The following SLC5A1 variants were observed in gnomAD, a reference collection of about 807,000 sequenced individuals.
SLC5A1 encodes solute carrier family 5 member 1, also known as sodium/glucose cotransporter 1.
Under a neutral mutation model 73.5 loss-of-function variants are expected in SLC5A1, and 42 were observed. That is an observed-to-expected ratio of 0.57 (90% CI 0.45 to 0.74). The LOEUF is 0.74. Among genes scored for constraint, SLC5A1 ranks in the 30% least tolerant of loss-of-function variants. The pLI, the probability that SLC5A1 is intolerant of heterozygous loss-of-function variation, is 0.00. For synonymous variants in SLC5A1, 300 were observed against 317.4 expected (o/e 0.95, Z 0.58); for missense variants, 634 against 855.4 (o/e 0.74, Z 3.23).
intron 11 of SLC5A1, among the ~76,000 whole-genome samples, chr22:32,093,116 A>G (rs532614979): frequency 6.6e-6 from 1 of 152,100 alleles, no homozygotes; most frequent in East Asian, 1.9e-4. Flanking sequence ...GGCTCTAAGT[A>G]TTTGGGTTTA....
Position 32,110,303 on chromosome 22 carries a change from G to C in SLC5A1, c.*90G>C. 9.2e-7 allele frequency: 1 copy of C among 1,083,458 alleles called. No individual in the cohort carries two copies. The highest frequency in any genetic ancestry group is 1.4e-6 in the Non-Finnish European group (1 of 708,384). The allele number at this position is 1,083,458 out of a possible 1,614,324, so 67.1% of individuals were successfully genotyped here. ...TGTGGTGTTGAAGGGAAATCAGCCA[G>C]TTGTAAATTTTGCCCAGGTGGATAA... On this transcript the variant is annotated 3_prime_UTR_variant, in exon 15 of 15. Transcript: ENST00000266088.
intron 1 of SLC5A1, among the ~76,000 whole-genome samples, chr22:32,049,091 A>AATATATATATATATATATATAATCATTAT (rs2093940952): frequency 7.7e-6 from 1 of 129,042 alleles, no homozygotes; most frequent in Admixed American, 7.6e-5. Flanking sequence ...TAAATAAATA[A>AATATATATATATATATATATAATCATTAT]ATATATATAT....
chr22:32,099,759 C>T (rs1457324583), intron 12 of SLC5A1, among the ~76,000 whole-genome samples: 1 of 152,118 alleles, frequency 6.6e-6, no homozygotes, highest in Non-Finnish European at 1.5e-5. Context: ...CTGCATGGCA[C>T]TCCCTAGGCA....
chr22:32,104,800 T>C lies in SLC5A1; in HGVS notation c.1680T>C (p.Cys560=), dbSNP rs2094042290. 4 of 1,613,924 alleles carry C rather than the reference T, an allele frequency of 2.5e-6. No individual in the cohort carries two copies. The South Asian group carries it at 3.3e-5, about 13-fold the overall frequency. ...PIPDVHLYRL[C]WSLRNSKEER... ...CTTCTCTGCAGCTCTACCGTCTGTG[T>C]TGGAGCCTGCGCAACAGCAAAGAGG... The change falls in exon 14 of 15, where the codon TGT becomes TGC. Residue 560 remains cysteine (C), a synonymous_variant. Coordinates refer to ENST00000266088, the MANE Select transcript of SLC5A1 (RefSeq NM_000343.4).
chr22:32,060,213 TG>T (rs2093960160), intron 2 of SLC5A1, among the ~76,000 whole-genome samples: 1 of 148,376 alleles, frequency 6.7e-6, no homozygotes. Context: ...TTTTAAGAGA[TG>T]GAACTTTGCT....
intron 10 of SLC5A1, 49 bp downstream of exon 10, chr22:32,086,376 T>C (rs369776944): frequency 3.9e-6 from 5 of 1,284,272 alleles, no homozygotes; most frequent in East Asian, 2.3e-5. Flanking sequence ...GGGAGGCTGA[T>C]TGGGTTTAGG....
chr22:32,064,324 C>T (rs1307463501), intron 2 of SLC5A1, among the ~76,000 whole-genome samples: 2 of 151,960 alleles, frequency 1.3e-5, no homozygotes, highest in African/African-American at 4.8e-5. Flanking sequence ...GGCGAACCCC[C>T]GTCTCTACAA....
At chr22:32,060,287 G>A (rs551368963) in intron 2 of SLC5A1, among the ~76,000 whole-genome samples, 1 of 151,896 alleles carries the variant, frequency 6.6e-6, no homozygotes, top group Non-Finnish European at 1.5e-5. Flanking sequence ...TGCCTCCCAG[G>A]CTCAAGTGAT....
At chr22:32,057,066 C>T (rs771973919) in intron 2 of SLC5A1, among the ~76,000 whole-genome samples, 5 of 152,144 alleles carry the variant, frequency 3.3e-5, no homozygotes, top group Admixed American at 2.6e-4. Flanking sequence ...AAGTGACTGC[C>T]TCAAGGTCAC....
intron 2 of SLC5A1, among the ~76,000 whole-genome samples, chr22:32,060,818 C>T (rs183096750): frequency 2.6e-5 from 4 of 152,212 alleles, no homozygotes; most frequent in East Asian, 3.9e-4. Flanking sequence ...GGTCCTCTCA[C>T]CTCAACCTCC....
At chr22:32,075,212 G>T (rs1286915716) in intron 5 of SLC5A1, among the ~76,000 whole-genome samples, 1 of 151,510 alleles carries the variant, frequency 6.6e-6, no homozygotes, top group Admixed American at 6.6e-5. Flanking sequence ...ACATCTGGCT[G>T]GGATTTTTAT....
In SLC5A1 at chr22:32,049,231, A is replaced by ATATC. The variant is rs1569298801; in HGVS notation, c.136-709_136-708insCTAT. On this transcript the variant is annotated intron_variant, in intron 1 of 14. Coordinates refer to ENST00000266088, the MANE Select transcript of SLC5A1 (RefSeq NM_000343.4). ...TCTATATCTATATCTATATCTATATATATGATGATTCCAGCAACCTGCTAC... is the reference window on the plus strand; with the variant it reads ...TCTATATCTATATCTATATCTATATATATCTATGATGATTCCAGCAACCTGCTAC... Among the ~76,000 whole-genome samples, 886 of 119,576 alleles carry ATATC rather than the reference A, an allele frequency of 7.4e-3. 12 individuals carry two copies. The highest frequency in any genetic ancestry group is 0.012 in the Non-Finnish European group (615 of 51,494). 78.4% of individuals were successfully genotyped at this position (119,576 alleles called of 152,430 possible). A position where few individuals can be genotyped will look rare whatever the true frequency, so the allele number is the denominator to read the frequency against.
chr22:32,084,646 G>A lies in SLC5A1; in HGVS notation c.872G>A (p.Trp291Ter). 6.2e-7 allele frequency: 1 copy of A among 1,613,882 alleles called. No homozygotes were observed. Among genetic ancestry groups the A allele is most frequent in the Non-Finnish European group, 8.5e-7 (1 of 1,179,774 alleles). The part of the protein sequence containing the change: ...FGMSILTLWY[W>*]CTDQVIVQRC... ...ATGTCCATCCTTACCTTGTGGTACTGGTGCACAGATCAGGTACCCAAGCTG... is the reference window on the plus strand; with the variant it reads ...ATGTCCATCCTTACCTTGTGGTACTAGTGCACAGATCAGGTACCCAAGCTG... Residue 291 changes from tryptophan to a stop codon, truncating the protein, a stop_gained, in exon 8 of 15, where the codon TGG becomes TAG. Coordinates refer to ENST00000266088, the MANE Select transcript of SLC5A1 (RefSeq NM_000343.4). LOFTEE classifies it high-confidence loss of function.
At chr22:32,074,768 C>A (rs1016815555) in intron 5 of SLC5A1, among the ~76,000 whole-genome samples, 1 of 152,200 alleles carries the variant, frequency 6.6e-6, no homozygotes, top group African/African-American at 2.4e-5. Flanking sequence ...GATCCCTTGA[C>A]AAATACATAA....
intron 11 of SLC5A1, among the ~76,000 whole-genome samples, chr22:32,092,091 G>GC (rs1199419171): frequency 1.3e-5 from 2 of 151,556 alleles, no homozygotes; most frequent in Non-Finnish European, 2.9e-5. Flanking sequence ...TTTATCCCTC[G>GC]CCCCCCTCCC....
chr22:32,065,494 C>T (rs547021920), intron 2 of SLC5A1, among the ~76,000 whole-genome samples: 4 of 152,284 alleles, frequency 2.6e-5, no homozygotes, highest in African/African-American at 9.6e-5. Flanking sequence ...AATCTAATCA[C>T]TCTGTCATAC....
chr22:32,056,472 CAT>C (rs2093952112), intron 2 of SLC5A1, among the ~76,000 whole-genome samples: 1 of 146,008 alleles, frequency 6.8e-6, no homozygotes, highest in Non-Finnish European at 1.5e-5. Flanking sequence ...AAGTATGTCC[CAT>C]GCAATATTCG....
chr22:32,087,872 G>A (rs2094010722), intron 10 of SLC5A1, among the ~76,000 whole-genome samples: 1 of 152,138 alleles, frequency 6.6e-6, no homozygotes, highest in South Asian at 2.1e-4. Context: ...ATAGAGGGGA[G>A]GTGAGTTTTC....
In SLC5A1 at chr22:32,084,481, A is replaced by G. The variant is rs1203289064; in HGVS notation, c.707A>G (p.Tyr236Cys). Reference sequence around the variant, plus strand: ...GGCTATGACGCCTTCATGGAAAAGTACATGAAAGCCATTCCAACCATAGTG... The same window carrying G: ...GGCTATGACGCCTTCATGGAAAAGTGCATGAAAGCCATTCCAACCATAGTG... ...VGGYDAFMEK[Y>C]MKAIPTIVSD... is the part of the protein sequence containing the mutation. The change falls in exon 8 of 15, where the codon TAC (tyrosine) becomes TGC (cysteine). Residue 236 changes from tyrosine to cysteine, a missense_variant. By Grantham distance (194) the Tyr-to-Cys change is radical. Transcript: ENST00000266088. The G allele has an allele frequency of 6.2e-7, 1 of 1,614,240 alleles. No individual in the cohort carries two copies. The highest frequency in any genetic ancestry group is 1.1e-5 in the South Asian group (1 of 91,086).
Sources: allele counts gnomAD v4.1 joint callset (sites outside exome capture counted in the v4.1 genomes callset), GRCh38; gene constraint gnomAD v4.1.1; transcripts MANE v1.5; gene names NCBI Gene and HGNC (gene_info 2026-07-23, HGNC 2026-07-21).